MAOB: variants seen among roughly 807,000 people sequenced by gnomAD.
MAOB encodes the protein monoamine oxidase B.
Under a neutral mutation model 41.9 loss-of-function variants are expected in MAOB, and 15 were observed. The observed-to-expected ratio is 0.36, with a 90% CI of 0.24 to 0.55. MAOB has a LOEUF of 0.55. Among genes scored for constraint, MAOB ranks in the 20% least tolerant of loss-of-function variants. The pLI is 0.86. For synonymous variants in MAOB, 167 were observed against 144.2 expected, an observed-to-expected ratio of 1.16 and a Z score of -1.13; for missense variants, 345 against 398.7, an observed-to-expected ratio of 0.87 and a Z score of 1.15.
intron 2 of MAOB, 92 bp from the exon 3 acceptor site, chrX:43,839,097 C>T (rs1157426093): frequency 1.5e-6 from 1 of 673,752 alleles, no homozygotes; most frequent in South Asian, 4.1e-5. Context: ...CGACATTTCA[C>T]AAGTTATAGA....
chrX:43,864,069 TTCATCA>T (rs1295541404), intron 1 of MAOB, among the ~76,000 whole-genome samples: 1 of 111,611 alleles, frequency 9.0e-6, no homozygotes, highest in Non-Finnish European at 1.9e-5. Context: ...ATAATTATTG[TTCATCA>T]ATTAAGGGAC....
At chrX:43,785,216 T>C (rs1470800555) in intron 8 of MAOB, among the ~76,000 whole-genome samples, 1 of 113,249 alleles carries the variant, frequency 8.8e-6, no homozygotes, top group Non-Finnish European at 1.9e-5. Context: ...TACGTAGAAC[T>C]TCTGGATAAC....
In MAOB at chrX:43,863,322, G is replaced by T. The variant is rs779829402; in HGVS notation, c.46+18932C>A. On this transcript the variant is annotated intron_variant, in intron 1 of 14. Coordinates refer to ENST00000378069, the MANE Select transcript of MAOB (RefSeq NM_000898.5). The stretch of plus-strand genomic sequence containing the variant: ...TAGGTTTTGGTATGCCTTATTTGAC[G>T]TTACTTAAATTATGTTCATAAAGAC... 3.6e-5 allele frequency among the ~76,000 whole-genome samples: 4 copies of T among 111,523 alleles called. No homozygotes were observed. In the East Asian group the frequency reaches 1.1e-3, roughly 31 times the overall value.
chrX:43,871,077 A>T (rs1443584886), intron 1 of MAOB, among the ~76,000 whole-genome samples: 6 of 111,599 alleles, frequency 5.4e-5, no homozygotes, highest in Non-Finnish European at 9.4e-5. Flanking sequence ...GAACTGAGAG[A>T]TGCAAGCACA....
chrX:43,838,245 T>C (rs984712013), intron 3 of MAOB, among the ~76,000 whole-genome samples: 2 of 108,307 alleles, frequency 1.8e-5, no homozygotes, highest in African/African-American at 6.9e-5. Flanking sequence ...AAGAAAAGAG[T>C]CACAGGCCGT....
chrX:43,778,322 G>T (rs1472847986), intron 11 of MAOB, among the ~76,000 whole-genome samples: 2 of 110,807 alleles, frequency 1.8e-5, no homozygotes, highest in African/African-American at 6.6e-5. Flanking sequence ...CCCCATCCTG[G>T]CTACCAGGAT....
intron 11 of MAOB, among the ~76,000 whole-genome samples, chrX:43,778,363 C>T (rs1463136165): frequency 9.0e-6 from 1 of 110,553 alleles, no homozygotes; most frequent in African/African-American, 3.3e-5. Flanking sequence ...GTAGAAGCTC[C>T]CCTCTTTTAC....
At chrX:43,831,083 G>A (rs2035015365) in intron 3 of MAOB, among the ~76,000 whole-genome samples, 1 of 109,805 alleles carries the variant, frequency 9.1e-6, no homozygotes, top group African/African-American at 3.3e-5. Flanking sequence ...CAGGATAAGG[G>A]CCTTTGAGGT....
intron 5 of MAOB, among the ~76,000 whole-genome samples, chrX:43,797,567 G>A (rs956185396): frequency 2.7e-5 from 3 of 111,555 alleles, no homozygotes; most frequent in Non-Finnish European, 3.8e-5. Context: ...TCAGTAAAAA[G>A]CACCATCATT....
intron 3 of MAOB, among the ~76,000 whole-genome samples, chrX:43,812,118 T>C (rs1193665780): frequency 8.9e-6 from 1 of 112,267 alleles, no homozygotes; most frequent in Non-Finnish European, 1.9e-5. Flanking sequence ...GTGCCTGGTG[T>C]ACTTCACTTA....
chrX:43,767,492 T>C lies in MAOB; in HGVS notation c.1537A>G (p.Lys513Glu), dbSNP rs2034125608. Residue 513 changes from lysine (K) to glutamate (E), a missense_variant, in exon 15 of 15, where the codon AAA becomes GAA. Transcript: ENST00000378069. ...SATALGFLAH[K>E]RGLLVRV The stretch of plus-strand genomic sequence containing the variant: ...TAGACTCTCACAAGTAGCCCCCTTT[T>C]GTGGGCCAGGAAGCCAAGAGCCGTT... The C allele has an allele frequency of 8.3e-7, 1 of 1,210,467 alleles. No homozygotes were observed. Among genetic ancestry groups the C allele is most frequent in the East Asian group, 3.0e-5 (1 of 33,772 alleles).
At chrX:43,816,670 A>T (rs931776802) in intron 3 of MAOB, among the ~76,000 whole-genome samples, 50 of 112,310 alleles carry the variant, frequency 4.5e-4, no homozygotes, top group African/African-American at 1.6e-3. Flanking sequence ...AGACATCCAT[A>T]TCACTAGACA....
intron 3 of MAOB, among the ~76,000 whole-genome samples, chrX:43,814,157 G>C (rs1051752432): frequency 9.0e-6 from 1 of 110,858 alleles, no homozygotes; most frequent in African/African-American, 3.3e-5. Context: ...GAAGGGGGCA[G>C]CCTTGTCTTA....
At chrX:43,853,772 G>A (rs1005806781) in intron 1 of MAOB, among the ~76,000 whole-genome samples, 3 of 111,187 alleles carry the variant, frequency 2.7e-5, no homozygotes, top group Admixed American at 9.5e-5. Flanking sequence ...ACTAAAGATC[G>A]CCAGCAAACC....
chrX:43,882,203 C>T lies in MAOB; in HGVS notation c.46+51G>A, dbSNP rs756021520. ...CGCCCCCCGCGTCTCCCCCAGGCAG[C>T]CACCTGTCCGAGCGCGTGAAGAGGA... On this transcript the variant is annotated intron_variant, in intron 1 of 14. Coordinates refer to ENST00000378069, the MANE Select transcript of MAOB (RefSeq NM_000898.5). The T allele has an allele frequency of 1.1e-5, 13 of 1,196,975 alleles. No homozygotes were observed. The South Asian group carries it at 1.5e-4, about 13-fold the overall frequency.
chrX:43,866,866 G>A (rs1453260466), intron 1 of MAOB, among the ~76,000 whole-genome samples: 1 of 112,544 alleles, frequency 8.9e-6, no homozygotes, highest in Non-Finnish European at 1.9e-5. Flanking sequence ...ACAGTTAAGT[G>A]GTTACCACTG....
At chrX:43,864,870 G>A (rs2035355339) in intron 1 of MAOB, among the ~76,000 whole-genome samples, 1 of 111,569 alleles carries the variant, frequency 9.0e-6, no homozygotes, top group Non-Finnish European at 1.9e-5. Flanking sequence ...AGGCAACCCA[G>A]TAATCCAGGC....
In MAOB at chrX:43,882,368, G is replaced by A; in HGVS notation, c.-69C>T. ...TTTTCTGGGCCTCGATCCCAGTCCT[G>A]CCTGCCAGCCAGCCCGCCCGCCTGC... On this transcript the variant is annotated 5_prime_UTR_variant, in exon 1 of 15. Coordinates refer to ENST00000378069, the MANE Select transcript of MAOB (RefSeq NM_000898.5). 8.8e-7 allele frequency: 1 copy of A among 1,142,056 alleles called. No homozygotes were observed. The highest frequency in any genetic ancestry group is 2.0e-5 in the South Asian group (1 of 48,937). The allele number at this position is 1,142,056 out of a possible 1,213,427, so 94.1% of individuals were successfully genotyped here.
intron 1 of MAOB, among the ~76,000 whole-genome samples, chrX:43,877,869 C>G (rs1292823647): frequency 8.9e-6 from 1 of 112,661 alleles, no homozygotes; most frequent in Non-Finnish European, 1.9e-5. Flanking sequence ...CACATGTATA[C>G]ATGGCGTCCT....
Sources: allele counts gnomAD v4.1 joint callset (sites outside exome capture counted in the v4.1 genomes callset), GRCh38; gene constraint gnomAD v4.1.1; transcripts MANE v1.5; gene names NCBI Gene and HGNC (gene_info 2026-07-23, HGNC 2026-07-21).